The following UACA variants were observed in gnomAD, a reference collection of about 807,000 sequenced individuals.
The protein encoded by UACA is nuclear membrane binding protein.
In UACA, 112 loss-of-function variants were observed where a neutral mutation model predicts 160.5. That is an observed-to-expected ratio of 0.70 (90% CI 0.60 to 0.82). The LOEUF is 0.82. Among genes scored for constraint, UACA ranks in the 40% least tolerant of loss-of-function variants. UACA has a pLI of 0.00. For synonymous variants in UACA, 557 were observed against 568.4 expected, an observed-to-expected ratio of 0.98 and a Z score of 0.29; for missense variants, 1,574 against 1,614.6, an observed-to-expected ratio of 0.97 and a Z score of 0.43.
chr15:70,723,119 G>A (rs1218274973), intron 1 of UACA, among the ~76,000 whole-genome samples: 1 of 152,130 alleles, frequency 6.6e-6, no homozygotes, highest in African/African-American at 2.4e-5. Context: ...TAAAAATAAT[G>A]CTAATAAAAA....
chr15:70,696,985 AT>A (rs1898151372), intron 2 of UACA, among the ~76,000 whole-genome samples: 1 of 152,248 alleles, frequency 6.6e-6, no homozygotes. Context: ...AGATACATCA[AT>A]CATTAAAACA....
At position 70,678,768 on chromosome 15, in the gene UACA, CTCA is replaced by C. The variant is rs1297517870; in HGVS notation, c.892-565_892-563del. ...TATGGGTCCTTCCTCTAAAATAATC[CTCA>C]TAATATTCTTTGGAAACTTTGACCA... On this transcript the variant is annotated intron_variant, in intron 10 of 18. Coordinates refer to ENST00000322954, the MANE Select transcript of UACA (RefSeq NM_018003.4). Among the ~76,000 whole-genome samples, 3 of 152,052 alleles carry C rather than the reference CTCA, an allele frequency of 2.0e-5. No homozygotes were observed. The East Asian group carries it at 5.8e-4, about 29-fold the overall frequency.
chr15:70,718,324 A>ATGTG (rs59313425), intron 1 of UACA, among the ~76,000 whole-genome samples: 10,501 of 60,070 alleles, frequency 0.17, 1,643 homozygotes, highest in Non-Finnish European at 0.2. Context: ...GAGAGAGAGA[A>ATGTG]TGTGTGTGTG....
the UACA span, among the ~76,000 whole-genome samples, chr15:70,773,641 G>C: frequency 2.6e-5 from 4 of 152,130 alleles, no homozygotes; most frequent in African/African-American, 9.7e-5. Context: ...GTGTACGGTG[G>C]TATATTCAGT....
chr15:70,742,216 T>A lies in UACA; in HGVS notation c.78+21114A>T, dbSNP rs916278592. 3.3e-5 allele frequency among the ~76,000 whole-genome samples: 5 copies of A among 152,308 alleles called. 1 individual carries two copies. In the South Asian group the frequency reaches 8.3e-4, roughly 25 times the overall value. ...GGTTATAAGTAATAATAGGCACAAATCCTTTCACATCTTCATTTTAAAGGC... is the reference window on the plus strand; with the variant it reads ...GGTTATAAGTAATAATAGGCACAAAACCTTTCACATCTTCATTTTAAAGGC... On this transcript the variant is annotated intron_variant, in intron 1 of 18. Transcript: ENST00000322954.
At chr15:70,710,189 G>C (rs1461477955) in intron 1 of UACA, among the ~76,000 whole-genome samples, 1 of 152,028 alleles carries the variant, frequency 6.6e-6, no homozygotes, top group African/African-American at 2.4e-5. Flanking sequence ...TGGGAAGTCG[G>C]GGCTGCAGTG....
At chr15:70,684,821 T>C (rs796341572) in intron 7 of UACA, among the ~76,000 whole-genome samples, 8 of 152,196 alleles carry the variant, frequency 5.3e-5, no homozygotes, top group South Asian at 2.1e-4. Flanking sequence ...TTTTACTTTA[T>C]ATTCATTGCA....
chr15:70,716,388 A>G (rs1461017865), intron 1 of UACA, among the ~76,000 whole-genome samples: 2 of 152,218 alleles, frequency 1.3e-5, no homozygotes, highest in Non-Finnish European at 2.9e-5. Context: ...CCAGACCAGC[A>G]GAACAACCAT....
the UACA span, among the ~76,000 whole-genome samples, chr15:70,772,636 G>A: frequency 6.6e-6 from 1 of 152,118 alleles, no homozygotes; most frequent in African/African-American, 2.4e-5. Flanking sequence ...GAGCATCCAA[G>A]TGAGGATATA....
At chr15:70,680,598 T>C (rs1313807201) in intron 9 of UACA, among the ~76,000 whole-genome samples, 1 of 152,216 alleles carries the variant, frequency 6.6e-6, no homozygotes, top group African/African-American at 2.4e-5. Flanking sequence ...ACCAAAGGAC[T>C]GTTCTTCAAG....
At chr15:70,684,527 A>G in intron 7 of UACA, 81 bp from the exon 8 acceptor site, 4 of 1,414,260 alleles carry the variant, frequency 2.8e-6, no homozygotes, top group Non-Finnish European at 3.8e-6. Flanking sequence ...ATTGTTGAAC[A>G]CTGTCTTAGT....
chr15:70,765,469 A>T (rs1460622254), upstream of UACA, among the ~76,000 whole-genome samples: 2 of 152,168 alleles, frequency 1.3e-5, no homozygotes, highest in Non-Finnish European at 2.9e-5. Context: ...CTGATCAAGT[A>T]ACTGGAAGTG....
intron 1 of UACA, among the ~76,000 whole-genome samples, chr15:70,700,400 T>G (rs866845893): frequency 6.6e-5 from 10 of 151,668 alleles, no homozygotes; most frequent in African/African-American, 2.4e-4. Flanking sequence ...AACTTTTACA[T>G]AGAAAAAACT....
At chr15:70,723,087 CT>C (rs1400733972) in intron 1 of UACA, among the ~76,000 whole-genome samples, 1 of 152,184 alleles carries the variant, frequency 6.6e-6, no homozygotes, top group Non-Finnish European at 1.5e-5. Flanking sequence ...CTTAGTCCCC[CT>C]GAGCGTCAGT....
chr15:70,684,537 TG>T lies in UACA; in HGVS notation c.603-92del, dbSNP rs1372834417. ...GCCCTATTGTTGAACACTGTCTTAG[TG>T]TTCACTGGATAAACTAGATTATATA... On this transcript the variant is annotated intron_variant, in intron 7 of 18. Coordinates refer to ENST00000322954, the MANE Select transcript of UACA (RefSeq NM_018003.4). 5 of 1,318,140 alleles carry T rather than the reference TG, an allele frequency of 3.8e-6. No individual in the cohort carries two copies. In the Admixed American group the frequency reaches 9.4e-5, roughly 25 times the overall value. The allele number at this position is 1,318,140 out of a possible 1,614,324, so 81.7% of individuals were successfully genotyped here. A position where few individuals can be genotyped will look rare whatever the true frequency, so the allele number is the denominator to read the frequency against.
In UACA at chr15:70,687,580, C is replaced by A; in HGVS notation, c.562G>T (p.Asp188Tyr). 6.2e-7 allele frequency: 1 copy of A among 1,613,952 alleles called. No individual in the cohort carries two copies. Among genetic ancestry groups the A allele is most frequent in the Admixed American group, 1.7e-5 (1 of 60,006 alleles). Reference protein sequence around the residue: ...SRPTICQLLIDRGADVNSRDK... With the variant: ...SRPTICQLLIYRGADVNSRDK... ...CTGGAATTAACATCCGCTCCTCTAT[C>A]TATCAGCAGTTGACATATTGTTGGC... is the stretch of plus-strand genomic sequence containing the variant. Residue 188 changes from aspartate (D) to tyrosine (Y), a missense_variant, in exon 7 of 19, where the codon GAT (aspartate) becomes TAT (tyrosine). Coordinates refer to ENST00000322954, the MANE Select transcript of UACA (RefSeq NM_018003.4).
chr15:70,729,229 C>T (rs1183849352), intron 1 of UACA, among the ~76,000 whole-genome samples: 3 of 152,068 alleles, frequency 2.0e-5, no homozygotes, highest in Non-Finnish European at 4.4e-5. Flanking sequence ...CAAAAGACAC[C>T]GTACTTGTAT....
At chr15:70,748,294 T>C (rs117187775) in intron 1 of UACA, among the ~76,000 whole-genome samples, 2 of 152,294 alleles carry the variant, frequency 1.3e-5, no homozygotes, top group East Asian at 3.9e-4. Flanking sequence ...AATACAGAAA[T>C]TGAGCATCTC....
rs1898410187 is a variant in UACA at position 70,702,748 on chromosome 15, C to T, written c.79-3088G>A. Among the ~76,000 whole-genome samples the T allele has an allele frequency of 2.6e-5, 4 of 152,174 alleles. No homozygotes were observed. The South Asian group carries it at 8.3e-4, about 31-fold the overall frequency. ...ATTTTCTCCATTTTATTTTGTACCC[C>T]TATCAGTCTCTCTGCATACAACCAG... On this transcript the variant is annotated intron_variant, in intron 1 of 18. Transcript: ENST00000322954.
Sources: allele counts gnomAD v4.1 joint callset (sites outside exome capture counted in the v4.1 genomes callset), GRCh38; gene constraint gnomAD v4.1.1; transcripts MANE v1.5; gene names NCBI Gene and HGNC (gene_info 2026-07-23, HGNC 2026-07-21).